Variants in KPNA4 observed in about 807,000 individuals in gnomAD.
The protein encoded by KPNA4 is importin subunit alpha-3.
KPNA4 carries 13 observed loss-of-function variants against 71.3 expected under a neutral mutation model. The observed-to-expected ratio is 0.18, with a 90% CI of 0.12 to 0.29. KPNA4 has a LOEUF of 0.29. KPNA4 is among the 10% of genes least tolerant of loss of function. KPNA4 has a pLI of 1.00. For synonymous variants in KPNA4, 189 were observed against 195.2 expected, an observed-to-expected ratio of 0.97 and a Z score of 0.26; for missense variants, 334 against 603.2, an observed-to-expected ratio of 0.55 and a Z score of 4.67.
intron 15 of KPNA4, 70 bp from the exon 16 acceptor site, chr3:160,505,122 G>T: frequency 1.3e-6 from 1 of 763,794 alleles, no homozygotes. Context: ...AATAATCTTT[G>T]GAACACATAA....
chr3:160,553,258 T>TA (rs1362075580), intron 1 of KPNA4, among the ~76,000 whole-genome samples: 1 of 152,170 alleles, frequency 6.6e-6, no homozygotes, highest in Non-Finnish European at 1.5e-5. Flanking sequence ...GTGATACCCC[T>TA]ATACTCCTCA....
intron 15 of KPNA4, among the ~76,000 whole-genome samples, chr3:160,507,292 A>G (rs1721004310): frequency 1.3e-5 from 2 of 152,140 alleles, no homozygotes; most frequent in Admixed American, 1.3e-4. Flanking sequence ...TGAGGTCAGG[A>G]GTTCAACAGC....
At chr3:160,548,314 A>C (rs1228224091) in intron 1 of KPNA4, among the ~76,000 whole-genome samples, 2 of 152,224 alleles carry the variant, frequency 1.3e-5, no homozygotes, top group Non-Finnish European at 1.5e-5. Flanking sequence ...GTAGTAAAAA[A>C]CACATAACAT....
At chr3:160,521,385 G>A (rs1384342332) in intron 11 of KPNA4, among the ~76,000 whole-genome samples, 1 of 152,150 alleles carries the variant, frequency 6.6e-6, no homozygotes, top group Admixed American at 6.5e-5. Flanking sequence ...GATCATTTGA[G>A]GCCAGGAGTT....
At chr3:160,563,996 C>A (rs1283552456) in intron 1 of KPNA4, among the ~76,000 whole-genome samples, 1 of 152,146 alleles carries the variant, frequency 6.6e-6, no homozygotes, top group Non-Finnish European at 1.5e-5. Flanking sequence ...AGCAGACTCT[C>A]AAGTTCAGAA....
Position 160,565,563 on chromosome 3 carries a change from CCT to C in KPNA4, c.-283_-282del. On this transcript the variant is annotated 5_prime_UTR_variant, in exon 1 of 17. Transcript: ENST00000334256. ...GCTGCCGGCTGAGAGGGGGAGGCAG[CCT>C]CGATCTGAGGGCCCCGGCGCTGCGG... 1.9e-6 allele frequency: 1 copy of C among 520,870 alleles called. No homozygotes were observed. The highest frequency in any genetic ancestry group is 3.4e-6 in the Non-Finnish European group (1 of 297,872). The allele number at this position is 520,870 out of a possible 1,614,324, so 32.3% of individuals were successfully genotyped here.
Position 160,503,202 on chromosome 3 carries a change from C to T in KPNA4, c.1468-1000G>A, listed in dbSNP as rs1313952596. Reference sequence around the variant, plus strand: ...ATCACATTAAAAAAAAATCTAATGCCACCACTTTTGGAAAGTGAATCTTTG... The same window carrying T: ...ATCACATTAAAAAAAAATCTAATGCTACCACTTTTGGAAAGTGAATCTTTG... On this transcript the variant is annotated intron_variant, in intron 16 of 16. Coordinates refer to ENST00000334256, the MANE Select transcript of KPNA4 (RefSeq NM_002268.5). 3.9e-5 allele frequency among the ~76,000 whole-genome samples: 6 copies of T among 152,070 alleles called. No homozygotes were observed. The South Asian group carries it at 1.0e-3, about 26-fold the overall frequency.
At chr3:160,542,851 T>G (rs148035262) in intron 1 of KPNA4, among the ~76,000 whole-genome samples, 2 of 152,210 alleles carry the variant, frequency 1.3e-5, no homozygotes, top group Non-Finnish European at 2.9e-5. Flanking sequence ...TTCTAGTCTA[T>G]AGATTCCATA....
chr3:160,530,434 G>A (rs558864693), intron 7 of KPNA4, among the ~76,000 whole-genome samples: 13 of 152,202 alleles, frequency 8.5e-5, no homozygotes, highest in African/African-American at 3.1e-4. Flanking sequence ...AGCTGAGATT[G>A]TGCCATTGTA....
At chr3:160,550,508 T>C (rs575315228) in intron 1 of KPNA4, among the ~76,000 whole-genome samples, 62 of 152,316 alleles carry the variant, frequency 4.1e-4, no homozygotes, top group African/African-American at 1.4e-3. Context: ...CAAGTGATTC[T>C]CCCACTGAGG....
Position 160,535,900 on chromosome 3 carries a change from T to TAAAAAAAAA in KPNA4, c.115-12_115-4dup, listed in dbSNP as rs71628425. 3.7e-5 allele frequency: 12 copies of TAAAAAAAAA among 325,342 alleles called. No individual in the cohort carries two copies. Among genetic ancestry groups the TAAAAAAAAA allele is most frequent in the South Asian group, 1.6e-4 (1 of 6,068 alleles). 20.2% of individuals were successfully genotyped at this position (325,342 alleles called of 1,614,324 possible). ...AAGAGATGTTCATCTCTTTTATTCTTAAAAAAAAAAAAAAAAAAAAAAAAA... is the reference window on the plus strand; with the variant it reads ...AAGAGATGTTCATCTCTTTTATTCTTAAAAAAAAAAAAAAAAAAAAAAAAAAAAAAAAAA... On this transcript the variant is annotated splice_polypyrimidine_tract_variant and splice_region_variant and intron_variant, in intron 2 of 16. Transcript: ENST00000334256.
At chr3:160,564,235 C>T (rs1183534217) in intron 1 of KPNA4, 2 of 151,870 alleles carry the variant, frequency 1.3e-5, no homozygotes, top group South Asian at 2.1e-4. Flanking sequence ...ACCCATACAC[C>T]TTATGTAGAC....
Position 160,499,231 on chromosome 3 carries a change from A to G in KPNA4, c.*2873T>C, listed in dbSNP as rs932878286. 6.6e-6 allele frequency: 1 copy of G among 152,182 alleles called. No individual in the cohort carries two copies. The allele number at this position is 152,182 out of a possible 1,614,324, so 9.4% of individuals were successfully genotyped here. A position where few individuals can be genotyped will look rare whatever the true frequency, so the allele number is the denominator to read the frequency against. ...AGTATTATTTCCACCATAACACACAATTACTGAAGTCTTTGAAAATTACAA... is the reference window on the plus strand; with the variant it reads ...AGTATTATTTCCACCATAACACACAGTTACTGAAGTCTTTGAAAATTACAA... On this transcript the variant is annotated 3_prime_UTR_variant, in exon 17 of 17. Coordinates refer to ENST00000334256, the MANE Select transcript of KPNA4 (RefSeq NM_002268.5).
Position 160,498,036 on chromosome 3 carries a change from A to G in KPNA4, c.*4068T>C, listed in dbSNP as rs1273059166. 2.0e-5 allele frequency: 3 copies of G among 152,216 alleles called. No homozygotes were observed. The highest frequency in any genetic ancestry group is 7.2e-5 in the African/African-American group (3 of 41,460). 9.4% of individuals were successfully genotyped at this position (152,216 alleles called of 1,614,324 possible). ...ATTTAAATGAATTTAGATTACCTTTAGAATAGTAATTAGAAGCCCTGGGCA... is the reference window on the plus strand; with the variant it reads ...ATTTAAATGAATTTAGATTACCTTTGGAATAGTAATTAGAAGCCCTGGGCA... On this transcript the variant is annotated 3_prime_UTR_variant, in exon 17 of 17. Transcript: ENST00000334256.
chr3:160,512,295 G>A (rs1262509615), intron 13 of KPNA4, among the ~76,000 whole-genome samples: 2 of 151,906 alleles, frequency 1.3e-5, no homozygotes, highest in East Asian at 3.9e-4. Context: ...TAACATAAAA[G>A]ATACAGGTCA....
chr3:160,565,152 C>T (rs1577066721), intron 1 of KPNA4, 62 bp downstream of exon 1: 12 of 1,400,296 alleles, frequency 8.6e-6, no homozygotes, highest in Non-Finnish European at 1.2e-5. Context: ...CACTCGGGGT[C>T]CCGGCGGAGA....
intron 1 of KPNA4, among the ~76,000 whole-genome samples, chr3:160,545,327 A>G (rs902393609): frequency 6.6e-6 from 1 of 152,248 alleles, no homozygotes; most frequent in Non-Finnish European, 1.5e-5. Flanking sequence ...GCATGTGCAT[A>G]GGAAACCATT....
chr3:160,542,811 G>A (rs1183354390), intron 1 of KPNA4, among the ~76,000 whole-genome samples: 2 of 152,082 alleles, frequency 1.3e-5, no homozygotes, highest in Non-Finnish European at 2.9e-5. Context: ...CTTAATCTAG[G>A]CAAGCTATTG....
rs147956541 is a variant in KPNA4, at chr3:160,537,427, C to T, written c.70-587G>A. 2.3e-3 allele frequency among the ~76,000 whole-genome samples: 352 copies of T among 151,714 alleles called. 2 individuals are homozygous for T. Among genetic ancestry groups the T allele is most frequent in the African/African-American group, 7.8e-3 (324 of 41,336 alleles). ...CCTATTTTATTATTTTTCATGGTCA[C>T]CCAATTTTCTATGGCACACCATGGC... On this transcript the variant is annotated intron_variant, in intron 1 of 16. Transcript: ENST00000334256.
Sources: allele counts gnomAD v4.1 joint callset (sites outside exome capture counted in the v4.1 genomes callset), GRCh38; gene constraint gnomAD v4.1.1; transcripts MANE v1.5; gene names NCBI Gene and HGNC (gene_info 2026-07-23, HGNC 2026-07-21).